The following NTN1 variants were observed in gnomAD, a reference collection of about 807,000 sequenced individuals.
The protein encoded by NTN1 is netrin-1.
In NTN1, 11 loss-of-function variants were observed where a neutral mutation model predicts 54.2. The observed-to-expected ratio is 0.20, with a 90% CI of 0.13 to 0.34. NTN1 has a LOEUF of 0.34. Ranked by LOEUF, NTN1 falls within the 10% of genes least tolerant of loss-of-function variation. The probability of loss-of-function intolerance (pLI) is 1.00; values close to 1 mark genes in which losing one functional copy is unlikely to be tolerated. For missense variants in NTN1, 740 were observed against 893.1 expected, an observed-to-expected ratio of 0.83 and a Z score of 2.18; for synonymous variants, 371 against 382.0, an observed-to-expected ratio of 0.97 and a Z score of 0.33.
intron 2 of NTN1, among the ~76,000 whole-genome samples, chr17:9,080,705 G>A (rs72809986): frequency 0.086 from 13,073 of 152,198 alleles, 676 homozygotes; most frequent in Non-Finnish European, 0.11. Context: ...CACCTCCGGT[G>A]AAGCAAGAGG....
intron 6 of NTN1, among the ~76,000 whole-genome samples, chr17:9,234,421 C>G (rs1263025297): frequency 6.6e-6 from 1 of 152,206 alleles, no homozygotes; most frequent in African/African-American, 2.4e-5. Context: ...AGCCAGGTGC[C>G]TAGGACCTGG....
intron 2 of NTN1, among the ~76,000 whole-genome samples, chr17:9,035,304 C>G (rs879877310): frequency 6.6e-5 from 10 of 152,206 alleles, no homozygotes; most frequent in Admixed American, 6.5e-4. Context: ...TTCTTTTGCT[C>G]CATGTTACAT....
chr17:9,154,243 G>T (rs1338094254), intron 2 of NTN1, among the ~76,000 whole-genome samples: 1 of 152,224 alleles, frequency 6.6e-6, no homozygotes, highest in Non-Finnish European at 1.5e-5. Flanking sequence ...CACCGACCCT[G>T]CCAGGGCAGG....
chr17:9,074,182 G>T (rs556582339), intron 2 of NTN1, among the ~76,000 whole-genome samples: 1 of 152,206 alleles, frequency 6.6e-6, no homozygotes, highest in Non-Finnish European at 1.5e-5. Flanking sequence ...GAACCAGTGC[G>T]GGAGGGAAGC....
intron 3 of NTN1, chr17:9,175,570 C>T (rs2142311678): frequency 6.6e-6 from 1 of 152,304 alleles, no homozygotes; most frequent in East Asian, 1.9e-4. Flanking sequence ...TTCAGTGGGA[C>T]TTTAGAGGGA....
chr17:9,237,419 C>T (rs971563499), intron 6 of NTN1, among the ~76,000 whole-genome samples: 4 of 152,028 alleles, frequency 2.6e-5, no homozygotes, highest in Admixed American at 6.6e-5. Flanking sequence ...CTTTAAAGAC[C>T]CTATCTCCAA....
intron 2 of NTN1, among the ~76,000 whole-genome samples, chr17:9,040,537 A>G (rs1211009782): frequency 1.3e-5 from 2 of 152,280 alleles, no homozygotes; most frequent in East Asian, 3.9e-4. Flanking sequence ...CTTCAACTAT[A>G]TATATGAATA....
At position 9,212,221 on chromosome 17, in the gene NTN1, G is replaced by T. The variant is rs7216995; in HGVS notation, c.1412-8947G>T. Among the ~76,000 whole-genome samples the T allele has an allele frequency of 0.016, 2,511 of 152,256 alleles. 49 individuals carry two copies. Among genetic ancestry groups the T allele is most frequent in the Middle Eastern group, 0.048 (14 of 294 alleles). On this transcript the variant is annotated intron_variant, in intron 5 of 6. Coordinates refer to ENST00000173229, the MANE Select transcript of NTN1 (RefSeq NM_004822.3). This position sits in a 1 kb window ranked among gnomAD's most constrained non-coding sequence, Gnocchi z 5.5. ...CTCTACCCCTGGATGAGGTGCTGTT[G>T]GTGAGGGTGGTAAGAAGGTGGTCTT...
chr17:9,226,162 C>CGGGG (rs71135953), intron 6 of NTN1, among the ~76,000 whole-genome samples: 6 of 116,526 alleles, frequency 5.1e-5, no homozygotes, highest in East Asian at 2.6e-4. Context: ...GATTTGGGGT[C>CGGGG]GGGGGGGGGC....
intron 6 of NTN1, among the ~76,000 whole-genome samples, chr17:9,232,286 AG>A (rs1006630460): frequency 9.8e-5 from 15 of 152,302 alleles, no homozygotes; most frequent in Admixed American, 8.5e-4. Context: ...GGGGCAGAGC[AG>A]GGCCCAGATC....
chr17:9,181,163 C>T (rs1238365432), intron 4 of NTN1, among the ~76,000 whole-genome samples: 2 of 152,204 alleles, frequency 1.3e-5, no homozygotes, highest in Non-Finnish European at 2.9e-5. Context: ...CTCTCCTCCT[C>T]TAACAAAGGG....
chr17:9,116,283 A>AG (rs1294343221), intron 2 of NTN1, among the ~76,000 whole-genome samples: 1 of 152,030 alleles, frequency 6.6e-6, no homozygotes, highest in Non-Finnish European at 1.5e-5. Flanking sequence ...GTCAGGAAGC[A>AG]GCCACAGAGT....
chr17:9,238,469 G>C (rs1412863988), intron 6 of NTN1, among the ~76,000 whole-genome samples: 3 of 152,102 alleles, frequency 2.0e-5, no homozygotes, highest in African/African-American at 7.2e-5. Context: ...ACAGAGGTGA[G>C]TACAGCAGAG....
At chr17:9,060,942 T>C (rs1401265709) in intron 2 of NTN1, among the ~76,000 whole-genome samples, 3 of 129,868 alleles carry the variant, frequency 2.3e-5, no homozygotes, top group Non-Finnish European at 4.6e-5. Context: ...TACCATTGCA[T>C]TCCAGCCTGG....
intron 3 of NTN1, among the ~76,000 whole-genome samples, chr17:9,167,522 T>C (rs112836871): frequency 1.3e-5 from 2 of 152,328 alleles, no homozygotes; most frequent in African/African-American, 4.8e-5. Context: ...CATTTCCATC[T>C]CACTGAGCTG....
At chr17:9,054,393 G>A (rs1366714652) in intron 2 of NTN1, among the ~76,000 whole-genome samples, 1 of 152,202 alleles carries the variant, frequency 6.6e-6, no homozygotes, top group Non-Finnish European at 1.5e-5. Context: ...CCTGCCTCAC[G>A]GGGAAATTGG....
In NTN1 at chr17:9,135,382, A is replaced by T. The variant is rs2092277637; in HGVS notation, c.1019-27431A>T. Among the ~76,000 whole-genome samples, 1 of 151,932 alleles carries T rather than the reference A, an allele frequency of 6.6e-6. No homozygotes were observed. Among genetic ancestry groups the T allele is most frequent in the Non-Finnish European group, 1.5e-5 (1 of 67,968 alleles). On this transcript the variant is annotated intron_variant, in intron 2 of 6. Transcript: ENST00000173229. This position sits in a 1 kb window ranked among gnomAD's most constrained non-coding sequence, Gnocchi z 4.4. Reference sequence around the variant, plus strand: ...CCATCCTGCCAACCAGACCACACTAACGTTGTTCTCATGCACGGCTTCCTC... The same window carrying T: ...CCATCCTGCCAACCAGACCACACTATCGTTGTTCTCATGCACGGCTTCCTC...
chr17:9,181,006 G>A (rs1336625662), intron 4 of NTN1, among the ~76,000 whole-genome samples: 3 of 152,140 alleles, frequency 2.0e-5, no homozygotes, highest in Non-Finnish European at 4.4e-5. Flanking sequence ...CTCCCGTCAG[G>A]GAATTAGGAG....
intron 6 of NTN1, among the ~76,000 whole-genome samples, chr17:9,225,970 G>A (rs1163893688): frequency 6.6e-6 from 1 of 152,184 alleles, no homozygotes; most frequent in East Asian, 1.9e-4. Flanking sequence ...TGAAGAGCGC[G>A]GGTCTGGGGC....
Sources: allele counts gnomAD v4.1 joint callset (sites outside exome capture counted in the v4.1 genomes callset), GRCh38; gene constraint gnomAD v4.1.1; non-coding constraint Gnocchi (gnomAD v3.1); transcripts MANE v1.5; gene names NCBI Gene and HGNC (gene_info 2026-07-23, HGNC 2026-07-21).